The following SVOP variants were observed in gnomAD, a reference collection of about 807,000 sequenced individuals.
SVOP encodes the protein synaptic vesicle 2-related protein.
In SVOP, 17 loss-of-function variants were observed where a neutral mutation model predicts 69.1. The observed-to-expected ratio is 0.25, with a 90% confidence interval of 0.17 to 0.37. SVOP has a LOEUF of 0.37. Among genes scored for constraint, SVOP ranks in the 10% least tolerant of loss-of-function variants. The pLI, the probability that SVOP is intolerant of heterozygous loss-of-function variation, is 1.00. For synonymous variants in SVOP, 238 were observed against 238.6 expected, an observed-to-expected ratio of 1.00 and a Z score of 0.02; for missense variants, 435 against 597.5, an observed-to-expected ratio of 0.73 and a Z score of 2.84.
rs759804608 is a variant in SVOP, at chr12:108,978,564, C to T, written c.282+14G>A. 5.7e-6 allele frequency: 4 copies of T among 702,968 alleles called. No homozygotes were observed. The African/African-American group carries it at 7.0e-5, about 12-fold the overall frequency. The allele number at this position is 702,968 out of a possible 1,614,324, so 43.5% of individuals were successfully genotyped here. On this transcript the variant is annotated intron_variant, in intron 3 of 15. Coordinates refer to ENST00000610966, the MANE Select transcript of SVOP (RefSeq NM_018711.5). Reference sequence around the variant, plus strand: ...TTCTTGGAGGCTGAGCCACTGCCCCCCAGAAATACTTGCCCAAGCCAAGCC... The same window carrying T: ...TTCTTGGAGGCTGAGCCACTGCCCCTCAGAAATACTTGCCCAAGCCAAGCC...
chr12:108,971,384 GT>G (rs1566060079), intron 5 of SVOP, among the ~76,000 whole-genome samples: 2 of 151,070 alleles, frequency 1.3e-5, no homozygotes, highest in African/African-American at 4.9e-5. Context: ...AGCCAAGATC[GT>G]GCGATTGCAC....
chr12:108,974,050 CGCAATTTG>C (rs1201925534), intron 4 of SVOP, among the ~76,000 whole-genome samples: 3 of 152,180 alleles, frequency 2.0e-5, no homozygotes, highest in Non-Finnish European at 4.4e-5. Context: ...CTTTGGCACA[CGCAATTTG>C]GAGAGCGTTT....
chr12:108,995,870 C>T (rs1301667270), intron 1 of SVOP, among the ~76,000 whole-genome samples: 1 of 151,610 alleles, frequency 6.6e-6, no homozygotes, highest in Non-Finnish European at 1.5e-5. Context: ...CCACTGCACT[C>T]CAGCCTGGGC....
chr12:108,984,254 G>A (rs2040156111), intron 1 of SVOP, among the ~76,000 whole-genome samples: 1 of 152,182 alleles, frequency 6.6e-6, no homozygotes, highest in East Asian at 1.9e-4. Context: ...CTGAGCTCAA[G>A]TGATCCTCCC....
chr12:108,923,059 T>C (rs2039759846), intron 11 of SVOP, among the ~76,000 whole-genome samples: 1 of 152,162 alleles, frequency 6.6e-6, no homozygotes, highest in Admixed American at 6.5e-5. Context: ...GGGCTATGCG[T>C]ATGAATGTGC....
chr12:108,921,871 T>C (rs562074375), intron 12 of SVOP, among the ~76,000 whole-genome samples: 7 of 152,172 alleles, frequency 4.6e-5, no homozygotes, highest in Non-Finnish European at 1.0e-4. Flanking sequence ...TTAAATAAGA[T>C]TGCATCTGTA....
chr12:108,978,417 C>T (rs775571081), intron 3 of SVOP, 161 bp downstream of exon 3: 19 of 573,576 alleles, frequency 3.3e-5, no homozygotes, highest in African/African-American at 1.3e-4. Context: ...GCACAGATCT[C>T]GTTATCACCA....
intron 10 of SVOP, among the ~76,000 whole-genome samples, chr12:108,935,394 A>G (rs2039850310): frequency 6.6e-6 from 1 of 152,338 alleles, no homozygotes; most frequent in South Asian, 2.1e-4. Context: ...TTCATAATGC[A>G]CTAAAATTAG....
chr12:109,018,501 C>G (rs968785222), intron 1 of SVOP, among the ~76,000 whole-genome samples: 1 of 152,140 alleles, frequency 6.6e-6, no homozygotes, highest in African/African-American at 2.4e-5. Flanking sequence ...CCACTCTTGC[C>G]AACCCTCTAC....
intron 1 of SVOP, among the ~76,000 whole-genome samples, chr12:108,985,313 T>G (rs939630397): frequency 3.7e-4 from 20 of 54,664 alleles, no homozygotes; most frequent in Non-Finnish European, 5.7e-4. Context: ...GAGAAAGAAA[T>G]AAAAAAGGAA....
At chr12:108,993,820 T>C (rs1343351897) in intron 1 of SVOP, among the ~76,000 whole-genome samples, 1 of 152,022 alleles carries the variant, frequency 6.6e-6, no homozygotes, top group East Asian at 1.9e-4. Context: ...TCCCCTAAGG[T>C]ATTCACAGAA....
rs2039872051 is a variant in SVOP, at chr12:108,938,885, C to G, written c.839G>C (p.Arg280Thr). 6.2e-7 allele frequency: 1 copy of G among 1,613,894 alleles called. No homozygotes were observed. Among genetic ancestry groups the G allele is most frequent in the African/African-American group, 1.3e-5 (1 of 74,920 alleles). Reference protein sequence around the residue: ...NQEKAIATLKRIATENGAPMP... With the variant: ...NQEKAIATLKTIATENGAPMP... The stretch of plus-strand genomic sequence containing the variant: ...GGGAGCTCCGTTTTCAGTTGCTATC[C>G]TCTTTAAGGTGGCGATTGCCTTTTC... Residue 280 changes from arginine (R) to threonine (T), a missense_variant, in exon 9 of 16, where the codon AGG becomes ACG. Coordinates refer to ENST00000610966, the MANE Select transcript of SVOP (RefSeq NM_018711.5).
rs1176206952 is a variant in SVOP, at chr12:108,940,816, C to A, written c.736G>T (p.Val246Phe). 5.2e-6 allele frequency: 8 copies of A among 1,537,102 alleles called. No individual in the cohort carries two copies. In the Admixed American group the frequency reaches 5.9e-5, roughly 11 times the overall value. The change falls in exon 8 of 16, where the codon GTC becomes TTC. Residue 246 changes from valine to phenylalanine, a missense_variant. Coordinates refer to ENST00000610966, the MANE Select transcript of SVOP (RefSeq NM_018711.5). ...AGCACGGCAAAGAGGAGGAGCGGGA[C>A]AGCTGAGAGGATGAGCAGCCAACGC... ...GWRWLLILSA[V>F]PLLLFAVLCF...
At position 108,945,213 on chromosome 12, in the gene SVOP, T is replaced by C. The variant is rs374058901; in HGVS notation, c.579-47A>G. The stretch of plus-strand genomic sequence containing the variant: ...AAAGGGAGTTAAGATCAGAACTGGG[T>C]GGGAAAATGGCTACCGTTTTCTGAA... On this transcript the variant is annotated intron_variant, in intron 6 of 15. Coordinates refer to ENST00000610966, the MANE Select transcript of SVOP (RefSeq NM_018711.5). 2.4e-3 allele frequency: 3,705 copies of C among 1,520,844 alleles called. 5 individuals carry two copies. Among genetic ancestry groups the C allele is most frequent in the Non-Finnish European group, 2.9e-3 (3,277 of 1,132,312 alleles). The allele number at this position is 1,520,844 out of a possible 1,614,324, so 94.2% of individuals were successfully genotyped here. A position where few individuals can be genotyped will look rare whatever the true frequency, so the allele number is the denominator to read the frequency against.
rs1162270267 is a variant in SVOP at position 108,962,494 on chromosome 12, T to TA, written c.454-1448dup. Reference sequence around the variant, plus strand: ...AGGCGTTATTCAGTGTTCACTTTTTTAAAGAAATGGAGTGTTGCTATGTTG... The same window carrying TA: ...AGGCGTTATTCAGTGTTCACTTTTTTAAAAGAAATGGAGTGTTGCTATGTTG... On this transcript the variant is annotated intron_variant, in intron 5 of 15. Transcript: ENST00000610966. 5.3e-5 allele frequency among the ~76,000 whole-genome samples: 8 copies of TA among 152,322 alleles called. No individual in the cohort carries two copies. In the East Asian group the frequency reaches 1.5e-3, roughly 29 times the overall value.
chr12:108,960,267 C>G (rs983316526), intron 6 of SVOP, among the ~76,000 whole-genome samples: 6 of 152,112 alleles, frequency 3.9e-5, no homozygotes, highest in African/African-American at 1.2e-4. Context: ...TTTACAAAAC[C>G]AGTCAGCAGG....
chr12:108,945,277 A>G, intron 6 of SVOP, 111 bp from the exon 7 acceptor site: 1 of 971,126 alleles, frequency 1.0e-6, no homozygotes, highest in Non-Finnish European at 1.6e-6. Flanking sequence ...TCAGTGAACC[A>G]CTTACATCAG....
intron 4 of SVOP, among the ~76,000 whole-genome samples, chr12:108,975,620 T>G (rs2040102074): frequency 6.6e-6 from 1 of 152,140 alleles, no homozygotes; most frequent in Non-Finnish European, 1.5e-5. Flanking sequence ...AAATAAGTGC[T>G]CAGTAAATTA....
rs149999430 is a variant in SVOP, at chr12:109,004,490, C to T, written c.35+16344G>A. 6.7e-5 allele frequency among the ~76,000 whole-genome samples: 10 copies of T among 148,634 alleles called. No homozygotes were observed. In the East Asian group the frequency reaches 2.0e-3, roughly 30 times the overall value. ...TGCAGATCTGGGCTCACTGCAGCCT[C>T]GACTTCCCAGGCTCAAGCAATCCTC... On this transcript the variant is annotated intron_variant, in intron 1 of 15. Coordinates refer to ENST00000610966, the MANE Select transcript of SVOP (RefSeq NM_018711.5).
Sources: allele counts gnomAD v4.1 joint callset (sites outside exome capture counted in the v4.1 genomes callset), GRCh38; gene constraint gnomAD v4.1.1; transcripts MANE v1.5; gene names NCBI Gene and HGNC (gene_info 2026-07-23, HGNC 2026-07-21).